Variants in CPAMD8 observed in about 807,000 individuals in gnomAD.
The protein encoded by CPAMD8 is C3 and PZP-like alpha-2-macroglobulin domain-containing protein 8.
CPAMD8 carries 146 observed loss-of-function variants against 224.7 expected under a neutral mutation model. The ratio of observed to expected loss-of-function variants is 0.65; its 90% confidence interval spans 0.57 to 0.75. The LOEUF (loss-of-function observed/expected upper bound fraction) is 0.75, where lower values mean the gene tolerates loss of function less well. CPAMD8 is among the 30% of genes least tolerant of loss of function. The probability of loss-of-function intolerance (pLI) is 0.00; values close to 1 mark genes in which losing one functional copy is unlikely to be tolerated. For missense variants in CPAMD8, 2,301 were observed against 2,537.5 expected, an observed-to-expected ratio of 0.91 and a Z score of 2.00; for synonymous variants, 966 against 1,044.6, an observed-to-expected ratio of 0.92 and a Z score of 1.45.
At position 16,980,331 on chromosome 19, in the gene CPAMD8, G is replaced by T. The variant is rs3745336; in HGVS notation, c.1585+166C>A. 0.41 allele frequency among the ~76,000 whole-genome samples: 62,053 copies of T among 151,994 alleles called. 13,743 individuals are homozygous for T. The highest frequency in any genetic ancestry group is 0.59 in the African/African-American group (24,508 of 41,478). Reference sequence around the variant, plus strand: ...TCTCCACTTCCAGCAGCTGATCACTGTCTTCCTGGACCCAGTCTGGTATTG... The same window carrying T: ...TCTCCACTTCCAGCAGCTGATCACTTTCTTCCTGGACCCAGTCTGGTATTG... On this transcript the variant is annotated intron_variant, in intron 14 of 41. Transcript: ENST00000443236.
chr19:16,987,729 C>T lies in CPAMD8; in HGVS notation c.1395+1914G>A, dbSNP rs540745980. 7.2e-5 allele frequency among the ~76,000 whole-genome samples: 11 copies of T among 152,192 alleles called. No homozygotes were observed. The East Asian group carries it at 9.7e-4, about 13-fold the overall frequency. ...ACAGTGGCACGATCATGTTTCACTGCGGTCCCAATCTCCCGGGCTCAAGTG... is the reference window on the plus strand; with the variant it reads ...ACAGTGGCACGATCATGTTTCACTGTGGTCCCAATCTCCCGGGCTCAAGTG... On this transcript the variant is annotated intron_variant, in intron 13 of 41. Transcript: ENST00000443236.
intron 17 of CPAMD8, among the ~76,000 whole-genome samples, chr19:16,974,179 T>C (rs2055170636): frequency 6.6e-6 from 1 of 151,830 alleles, no homozygotes; most frequent in Admixed American, 6.6e-5. Flanking sequence ...TCGCCCAGGC[T>C]GGAGTGCAGT....
At chr19:16,971,199 T>G in intron 17 of CPAMD8, 166 bp from the exon 18 acceptor site, 1 of 600,548 alleles carries the variant, frequency 1.7e-6, no homozygotes. Flanking sequence ...TTGTTTTGTT[T>G]TGTTTGTTTG....
chr19:16,959,565 G>A (rs375970781), intron 18 of CPAMD8, among the ~76,000 whole-genome samples: 5 of 150,762 alleles, frequency 3.3e-5, no homozygotes, highest in South Asian at 4.2e-4. Context: ...TTTCGAGATG[G>A]AGTCTCTCTC....
At chr19:16,905,182 A>G (rs1401404125) in intron 30 of CPAMD8, among the ~76,000 whole-genome samples, 1 of 152,166 alleles carries the variant, frequency 6.6e-6, no homozygotes, top group Non-Finnish European at 1.5e-5. Flanking sequence ...CAGAGGTTGC[A>G]GTGAGCCAAT....
chr19:16,917,647 G>A (rs761406514), intron 27 of CPAMD8, among the ~76,000 whole-genome samples: 5 of 152,080 alleles, frequency 3.3e-5, no homozygotes, highest in African/African-American at 7.2e-5. Context: ...GGGCTGAGGC[G>A]GAAAAATTGC....
chr19:17,015,956 T>C (rs571389441), intron 3 of CPAMD8, among the ~76,000 whole-genome samples: 1 of 152,254 alleles, frequency 6.6e-6, no homozygotes, highest in East Asian at 1.9e-4. Flanking sequence ...CTTCTTTCCG[T>C]GTTTAAAGAC....
At chr19:16,938,014 T>C (rs2053755242) in intron 23 of CPAMD8, among the ~76,000 whole-genome samples, 3 of 152,168 alleles carry the variant, frequency 2.0e-5, no homozygotes, top group African/African-American at 7.2e-5. Flanking sequence ...CTCAAACTCC[T>C]GACTTCAAAT....
chr19:16,983,980 T>G (rs79538714), intron 13 of CPAMD8, among the ~76,000 whole-genome samples: 1 of 152,038 alleles, frequency 6.6e-6, no homozygotes, highest in African/African-American at 2.4e-5. Flanking sequence ...ATCAAGACAG[T>G]GTAGTACCAG....
In CPAMD8 at chr19:16,958,015, T is replaced by C. The variant is rs760373527; in HGVS notation, c.2214-100A>G. The C allele has an allele frequency of 6.8e-5, 70 of 1,022,400 alleles. No individual in the cohort carries two copies. In the Middle Eastern group the frequency reaches 9.4e-4, roughly 14 times the overall value. The allele number at this position is 1,022,400 out of a possible 1,614,324, so 63.3% of individuals were successfully genotyped here. A position where few individuals can be genotyped will look rare whatever the true frequency, so the allele number is the denominator to read the frequency against. On this transcript the variant is annotated intron_variant, in intron 18 of 41. Coordinates refer to ENST00000443236, the MANE Select transcript of CPAMD8 (RefSeq NM_015692.5). ...TTCTATTTGATCAGATATAACGCGT[T>C]AATTTCTTTTACCTGGAAGGGTTAA...
chr19:16,980,351 G>T, intron 14 of CPAMD8, 146 bp downstream of exon 14: 1 of 673,130 alleles, frequency 1.5e-6, no homozygotes. Context: ...ACCCAGTCTG[G>T]TATTGTTAAG....
intron 3 of CPAMD8, among the ~76,000 whole-genome samples, chr19:17,018,920 G>GAA (rs112768289): frequency 0.17 from 23,771 of 140,370 alleles, 2,098 homozygotes; most frequent in East Asian, 0.27. Flanking sequence ...AAAAAAAAAA[G>GAA]AAAAAAAAAA....
intron 24 of CPAMD8, 23 bp from the exon 25 acceptor site, chr19:16,928,257 C>T (rs1328734830): frequency 1.3e-6 from 2 of 1,599,410 alleles, no homozygotes; most frequent in Non-Finnish European, 1.7e-6. Context: ...ACCAAGGCTG[C>T]TGGACGCTGG....
chr19:16,893,331 G>A lies in CPAMD8; in HGVS notation c.5435C>T (p.Ala1812Val). 2 of 1,530,312 alleles carry A rather than the reference G, an allele frequency of 1.3e-6. No individual in the cohort carries two copies. Among genetic ancestry groups the A allele is most frequent in the Non-Finnish European group, 1.8e-6 (2 of 1,136,342 alleles). 94.8% of individuals were successfully genotyped at this position (1,530,312 alleles called of 1,614,324 possible). A position where few individuals can be genotyped will look rare whatever the true frequency, so the allele number is the denominator to read the frequency against. The change falls in exon 42 of 42, where the codon GCC becomes GTC. Residue 1812 changes from alanine (A) to valine (V), a missense_variant. Coordinates refer to ENST00000443236, the MANE Select transcript of CPAMD8 (RefSeq NM_015692.5). ...PEGEAEDRVT[A>V]GPRPPVSSGN... Reference sequence around the variant, plus strand: ...GCTGCTCACAGGAGGCCGAGGCCCGGCTGTGACCCTGGAGATGAGGTTTTA... The same window carrying A: ...GCTGCTCACAGGAGGCCGAGGCCCGACTGTGACCCTGGAGATGAGGTTTTA...
intron 3 of CPAMD8, among the ~76,000 whole-genome samples, chr19:17,012,998 C>T (rs1432784711): frequency 6.6e-6 from 1 of 151,580 alleles, no homozygotes; most frequent in Non-Finnish European, 1.5e-5. Flanking sequence ...GCCTGGCCAA[C>T]ATGGCAAAAC....
intron 30 of CPAMD8, among the ~76,000 whole-genome samples, chr19:16,906,045 G>C (rs2052463554): frequency 6.6e-6 from 1 of 152,120 alleles, no homozygotes; most frequent in African/African-American, 2.4e-5. Context: ...CCGGAGGCGG[G>C]GGATGCGTTC....
At chr19:16,936,116 C>T (rs1245511573) in intron 23 of CPAMD8, among the ~76,000 whole-genome samples, 2 of 151,738 alleles carry the variant, frequency 1.3e-5, no homozygotes, top group Admixed American at 1.3e-4. Context: ...TTTGTAGAGA[C>T]AGGGTCTCAT....
At position 17,004,292 on chromosome 19, in the gene CPAMD8, A is replaced by G. The variant is rs1230107509; in HGVS notation, c.654T>C (p.Ser218=). Residue 218 remains serine (S), a synonymous_variant, in exon 8 of 42, where the codon TCT becomes TCC. Transcript: ENST00000443236. The part of the protein sequence containing the change: ...VEMQGHAYNK[S]FEVQKYVLPK... ...ACTTACCATACTTCTGAACTTCAAA[A>G]GACTTGTTGTACGCGTGGCCTTGCA... The G allele has an allele frequency of 1.8e-5, 29 of 1,608,680 alleles. No individual in the cohort carries two copies. Among genetic ancestry groups the G allele is most frequent in the Non-Finnish European group, 2.5e-5 (29 of 1,175,120 alleles).
At chr19:16,969,171 C>T (rs376279012) in intron 18 of CPAMD8, among the ~76,000 whole-genome samples, 2 of 152,184 alleles carry the variant, frequency 1.3e-5, no homozygotes, top group East Asian at 1.9e-4. Context: ...GTCAGCTCTC[C>T]TGATTCATTT....
Sources: gnomAD v4.1 joint callset for allele counts (sites outside exome capture counted in the v4.1 genomes callset) on GRCh38, gnomAD v4.1.1 for gene constraint, MANE v1.5 for transcripts, NCBI Gene and HGNC (gene_info 2026-07-23, HGNC 2026-07-21) for gene names.